Variants in SLCO1C1 observed in about 807,000 individuals in gnomAD.
SLCO1C1 encodes OAT-RP-5.
SLCO1C1 carries 70 observed loss-of-function variants against 76.4 expected under a neutral mutation model. The observed-to-expected ratio is 0.92, with a 90% confidence interval of 0.76 to 1.12. SLCO1C1 has a LOEUF of 1.12. Ranked by LOEUF, SLCO1C1 falls within the 50% of genes most tolerant of loss-of-function variation. The pLI, the probability that SLCO1C1 is intolerant of heterozygous loss-of-function variation, is 0.00. For synonymous variants in SLCO1C1, 306 were observed against 286.1 expected (o/e 1.07, Z -0.70); for missense variants, 912 against 823.8 (o/e 1.11, Z -1.31).
intron 2 of SLCO1C1, among the ~76,000 whole-genome samples, chr12:20,700,891 G>T (rs1183538695): frequency 1.3e-5 from 2 of 152,010 alleles, no homozygotes; most frequent in African/African-American, 4.8e-5. Flanking sequence ...GCTGGTGCAT[G>T]CACCACCCTG....
intron 10 of SLCO1C1, among the ~76,000 whole-genome samples, chr12:20,733,731 G>C (rs985016710): frequency 1.3e-5 from 2 of 152,194 alleles, no homozygotes; most frequent in African/African-American, 4.8e-5. Context: ...CTCTTTAGCT[G>C]AGTGTCTTGC....
At chr12:20,707,443 C>T (rs1465891646) in intron 4 of SLCO1C1, among the ~76,000 whole-genome samples, 5 of 152,152 alleles carry the variant, frequency 3.3e-5, no homozygotes, top group Admixed American at 1.3e-4. Context: ...TGAAAGTAGT[C>T]ACATAGGATA....
At chr12:20,705,106 G>A (rs1035070122) in intron 3 of SLCO1C1, among the ~76,000 whole-genome samples, 15 of 151,866 alleles carry the variant, frequency 9.9e-5, no homozygotes, top group African/African-American at 3.1e-4. Flanking sequence ...GTATTTTTAC[G>A]CACAGCAAAG....
In SLCO1C1 at chr12:20,752,334, CT is replaced by C; in HGVS notation, c.1946del (p.Leu649ArgfsTer8). 1 of 1,608,032 alleles carries C rather than the reference CT, an allele frequency of 6.2e-7. No homozygotes were observed. Among genetic ancestry groups the C allele is most frequent in the Non-Finnish European group, 8.5e-7 (1 of 1,176,314 alleles). ...RHIYLGLTVI[L>X]GTVSILLSIA... ...TATATATCTGGGACTAACTGTGATA[CT>C]GGGCACAGTGTCAATTCTCCTAAGC... On this transcript the variant is annotated frameshift_variant, in exon 15 of 15. Transcript: ENST00000266509. LOFTEE classifies it low-confidence loss of function (END_TRUNC).
intron 4 of SLCO1C1, among the ~76,000 whole-genome samples, chr12:20,707,287 GAGA>G (rs1946826883): frequency 6.6e-6 from 1 of 152,026 alleles, no homozygotes; most frequent in African/African-American, 2.4e-5. Flanking sequence ...GAATGGGAAG[GAGA>G]AGAATGAGAA....
In SLCO1C1 at chr12:20,740,346, C is replaced by T; in HGVS notation, c.1711C>T (p.Pro571Ser). 1 of 1,613,166 alleles carries T rather than the reference C, an allele frequency of 6.2e-7. No homozygotes were observed. The highest frequency in any genetic ancestry group is 1.1e-5 in the South Asian group (1 of 90,896). ...TSYTLSLGGI[P>S]GYILLLRCIK... ...CTATACTTTATCCCTAGGTGGCATA[C>T]CTGGATACATATTACTTCTGAGGTG... Residue 571 changes from proline to serine, a missense_variant, in exon 12 of 15, where the codon CCT (proline) becomes TCT (serine). Coordinates refer to ENST00000266509, the MANE Select transcript of SLCO1C1 (RefSeq NM_017435.5).
At chr12:20,724,409 GTGTATATATATA>G (rs371533329) in intron 9 of SLCO1C1, among the ~76,000 whole-genome samples, 2,462 of 65,052 alleles carry the variant, frequency 0.038, 58 homozygotes, top group South Asian at 0.046. Context: ...GTGTGTGTGT[GTGTATATATATA>G]TATATATATA....
At chr12:20,703,351 CA>C (rs1200261335) in intron 3 of SLCO1C1, among the ~76,000 whole-genome samples, 1 of 151,802 alleles carries the variant, frequency 6.6e-6, no homozygotes, top group Non-Finnish European at 1.5e-5. Context: ...GTTTTGTGGA[CA>C]AATTGTCTAA....
intron 9 of SLCO1C1, among the ~76,000 whole-genome samples, chr12:20,724,411 GTATA>G (rs1168220832): frequency 0.011 from 1,001 of 87,774 alleles, 11 homozygotes; most frequent in African/African-American, 0.03. Context: ...GTGTGTGTGT[GTATA>G]TATATATATA....
intron 9 of SLCO1C1, among the ~76,000 whole-genome samples, chr12:20,726,278 G>A (rs534959393): frequency 3.3e-5 from 5 of 150,704 alleles, no homozygotes; most frequent in African/African-American, 9.8e-5. Context: ...TGGGCTATGG[G>A]ATAATGATCT....
chr12:20,732,833 C>G, intron 9 of SLCO1C1, 76 bp from the exon 10 acceptor site: 1 of 1,465,606 alleles, frequency 6.8e-7, no homozygotes, highest in Non-Finnish European at 9.3e-7. Flanking sequence ...ACAAAATAGT[C>G]TTTAGAAAGT....
intron 9 of SLCO1C1, among the ~76,000 whole-genome samples, chr12:20,731,674 T>G (rs1226544208): frequency 6.6e-6 from 1 of 152,168 alleles, no homozygotes; most frequent in African/African-American, 2.4e-5. Flanking sequence ...GAGAAATAAA[T>G]TCTAATTAGC....
intron 12 of SLCO1C1, among the ~76,000 whole-genome samples, chr12:20,741,106 G>T (rs901365062): frequency 6.6e-6 from 1 of 151,826 alleles, no homozygotes; most frequent in Admixed American, 6.6e-5. Context: ...AGGGAAGAGG[G>T]AAGAGCCTCT....
intron 9 of SLCO1C1, among the ~76,000 whole-genome samples, chr12:20,727,800 C>T (rs969251947): frequency 3.9e-5 from 6 of 152,202 alleles, no homozygotes; most frequent in African/African-American, 9.6e-5. Context: ...TGAGCCACTG[C>T]GCCCGGCCAC....
At position 20,709,588 on chromosome 12, in the gene SLCO1C1, G is replaced by A. The variant is rs1434001211; in HGVS notation, c.405-1798G>A. Among the ~76,000 whole-genome samples the A allele has an allele frequency of 2.6e-5, 2 of 78,022 alleles. 1 individual carries two copies. Among genetic ancestry groups the A allele is most frequent in the East Asian group, 1.2e-3 (2 of 1,650 alleles). The allele number at this position is 78,022 out of a possible 152,430, so 51.2% of individuals were successfully genotyped here. A position where few individuals can be genotyped will look rare whatever the true frequency, so the allele number is the denominator to read the frequency against. ...GCTAAATGTTCTCATGTGTAGTTAA[G>A]AATTGAAAACAGGCCGGGCGCGGTG... is the stretch of plus-strand genomic sequence containing the variant. On this transcript the variant is annotated intron_variant, in intron 4 of 14. Transcript: ENST00000266509.
In SLCO1C1 at chr12:20,706,124, C is replaced by T. The variant is rs375799266; in HGVS notation, c.404+43C>T. On this transcript the variant is annotated intron_variant, in intron 4 of 14. Coordinates refer to ENST00000266509, the MANE Select transcript of SLCO1C1 (RefSeq NM_017435.5). ...ATCTTTTCCTTGCCTTTCCAAACAA[C>T]TGCATTTCTCCCTTTTATGATGATT... 3.1e-5 allele frequency: 48 copies of T among 1,550,970 alleles called. No individual in the cohort carries two copies. In the East Asian group the frequency reaches 3.3e-4, roughly 11 times the overall value.
intron 11 of SLCO1C1, among the ~76,000 whole-genome samples, chr12:20,738,356 G>C (rs1381955969): frequency 1.3e-5 from 2 of 152,034 alleles, no homozygotes; most frequent in African/African-American, 4.8e-5. Flanking sequence ...ATTTGTGACT[G>C]ATTAAATTTG....
Position 20,697,279 on chromosome 12 carries a change from G to A in SLCO1C1, c.-26+1472G>A, listed in dbSNP as rs1027015963. On this transcript the variant is annotated intron_variant, in intron 1 of 14. Transcript: ENST00000266509. ...GATATCTGAATCCCCAAAAACAGAA[G>A]GCCAATTTGAATTATATAATTTAAT... 2.6e-5 allele frequency: 4 copies of A among 151,916 alleles called. 1 individual carries two copies. The highest frequency in any genetic ancestry group is 4.1e-4 in the South Asian group (2 of 4,838). 9.4% of individuals were successfully genotyped at this position (151,916 alleles called of 1,614,324 possible).
intron 9 of SLCO1C1, among the ~76,000 whole-genome samples, chr12:20,726,748 G>T (rs1034869060): frequency 1.3e-5 from 2 of 152,020 alleles, no homozygotes; most frequent in African/African-American, 4.8e-5. Flanking sequence ...TACAGTGCAG[G>T]TTTGTTACAA....
Sources: allele counts gnomAD v4.1 joint callset (sites outside exome capture counted in the v4.1 genomes callset), GRCh38; gene constraint gnomAD v4.1.1; transcripts MANE v1.5; gene names NCBI Gene and HGNC (gene_info 2026-07-23, HGNC 2026-07-21).